PTPRZ1: variants seen among roughly 807,000 people sequenced by gnomAD.
The protein encoded by PTPRZ1 is receptor-type tyrosine-protein phosphatase zeta.
In PTPRZ1, 82 loss-of-function variants were observed where a neutral mutation model predicts 214.1. The ratio of observed to expected loss-of-function variants is 0.38; its 90% CI spans 0.32 to 0.46. The LOEUF (loss-of-function observed/expected upper bound fraction) is 0.46, where lower values mean the gene tolerates loss of function less well. Ranked by LOEUF, PTPRZ1 falls within the 20% of genes least tolerant of loss-of-function variation. The probability of loss-of-function intolerance (pLI) is 1.00; values close to 1 mark genes in which losing one functional copy is unlikely to be tolerated. For missense variants in PTPRZ1, 2,603 were observed against 2,748.7 expected, an observed-to-expected ratio of 0.95 and a Z score of 1.19; for synonymous variants, 945 against 987.9, an observed-to-expected ratio of 0.96 and a Z score of 0.81.
chr7:122,034,212 GTTA>G, intron 16 of PTPRZ1, 67 bp from the exon 17 acceptor site: 2 of 1,568,788 alleles, frequency 1.3e-6, no homozygotes, highest in Non-Finnish European at 1.7e-6. Context: ...TTTTGTCTTC[GTTA>G]TTATATTTTA....
At chr7:121,978,882 C>T (rs1425213336) in intron 6 of PTPRZ1, among the ~76,000 whole-genome samples, 2 of 152,096 alleles carry the variant, frequency 1.3e-5, no homozygotes, top group Non-Finnish European at 2.9e-5. Context: ...TGAATTAAAT[C>T]CAGTCTATTT....
intron 23 of PTPRZ1, among the ~76,000 whole-genome samples, chr7:122,045,549 G>A (rs928800617): frequency 6.6e-6 from 1 of 151,958 alleles, no homozygotes; most frequent in African/African-American, 2.4e-5. Context: ...AGTCATACAT[G>A]TTTTACTCAT....
At chr7:121,935,195 G>A in intron 2 of PTPRZ1, among the ~76,000 whole-genome samples, 1 of 152,188 alleles carries the variant, frequency 6.6e-6, no homozygotes, top group East Asian at 1.9e-4. Context: ...CTACAGAATA[G>A]CATCGCAATT....
intron 12 of PTPRZ1, among the ~76,000 whole-genome samples, chr7:122,015,179 G>T (rs1798808850): frequency 6.6e-6 from 1 of 152,096 alleles, no homozygotes; most frequent in Non-Finnish European, 1.5e-5. Context: ...TTGGTCATAA[G>T]AATTTTATAA....
intron 1 of PTPRZ1, chr7:121,908,372 T>TTA: frequency 9.6e-6 from 3 of 313,170 alleles, no homozygotes; most frequent in South Asian, 2.9e-5. Context: ...TGGAAAAGAA[T>TTA]ATCAACTATA....
chr7:121,958,213 G>A (rs973490873), intron 2 of PTPRZ1, among the ~76,000 whole-genome samples: 1 of 152,038 alleles, frequency 6.6e-6, no homozygotes, highest in Non-Finnish European at 1.5e-5. Context: ...ATCATTTCAC[G>A]GAAATTGATT....
At chr7:121,940,718 A>G (rs990713952) in intron 2 of PTPRZ1, among the ~76,000 whole-genome samples, 3 of 152,122 alleles carry the variant, frequency 2.0e-5, no homozygotes, top group African/African-American at 7.2e-5. Context: ...TGTCATATTC[A>G]GGACTTCTGA....
intron 27 of PTPRZ1, among the ~76,000 whole-genome samples, chr7:122,057,645 C>CTTTTTTTTTTTTTT (rs5887066): frequency 7.0e-5 from 9 of 128,168 alleles, no homozygotes; most frequent in Non-Finnish European, 8.3e-5. Flanking sequence ...CTTTGTGATT[C>CTTTTTTTTTTTTTT]TTTTTTTTTT....
At chr7:121,988,016 CGAGA>C (rs1797816836) in intron 8 of PTPRZ1, among the ~76,000 whole-genome samples, 1 of 152,044 alleles carries the variant, frequency 6.6e-6, no homozygotes, top group Non-Finnish European at 1.5e-5. Flanking sequence ...CTGTGGTGTA[CGAGA>C]GAGTGGAGAG....
chr7:121,966,810 A>C (rs1797058802), intron 2 of PTPRZ1: 1 of 152,232 alleles, frequency 6.6e-6, no homozygotes, highest in Non-Finnish European at 1.5e-5. Context: ...TGACTCACTT[A>C]TCACAAAAGA....
intron 3 of PTPRZ1, among the ~76,000 whole-genome samples, chr7:121,971,693 A>G (rs1797255426): frequency 6.6e-6 from 1 of 152,194 alleles, no homozygotes; most frequent in South Asian, 2.1e-4. Context: ...GTACATCGTA[A>G]GTGATATGTA....
chr7:121,906,396 A>G (rs1280659673), intron 1 of PTPRZ1, among the ~76,000 whole-genome samples: 3 of 152,196 alleles, frequency 2.0e-5, no homozygotes, highest in Non-Finnish European at 2.9e-5. Context: ...AAATAAAACT[A>G]TATTAATTGC....
At chr7:121,971,499 A>T (rs755448496) in intron 3 of PTPRZ1, among the ~76,000 whole-genome samples, 1 of 152,112 alleles carries the variant, frequency 6.6e-6, no homozygotes, top group Non-Finnish European at 1.5e-5. Context: ...GAGCTAATAG[A>T]GCCACATTAC....
intron 8 of PTPRZ1, among the ~76,000 whole-genome samples, chr7:121,985,750 C>G (rs1443524436): frequency 6.6e-6 from 1 of 152,206 alleles, no homozygotes; most frequent in Non-Finnish European, 1.5e-5. Flanking sequence ...CAAGGAGACA[C>G]CATACCCATA....
At chr7:122,033,311 A>G (rs1799437530) in intron 15 of PTPRZ1, among the ~76,000 whole-genome samples, 1 of 151,838 alleles carries the variant, frequency 6.6e-6, no homozygotes, top group Non-Finnish European at 1.5e-5. Flanking sequence ...ATGTGGAGGG[A>G]GATTGGGCCA....
At chr7:121,921,264 T>C (rs1372970398) in intron 1 of PTPRZ1, among the ~76,000 whole-genome samples, 1 of 152,146 alleles carries the variant, frequency 6.6e-6, no homozygotes, top group Non-Finnish European at 1.5e-5. Context: ...TGAGCTTTCA[T>C]TGAAAAGTTT....
intron 12 of PTPRZ1, among the ~76,000 whole-genome samples, chr7:122,016,739 A>G (rs1466196227): frequency 6.6e-6 from 1 of 151,700 alleles, no homozygotes; most frequent in East Asian, 1.9e-4. Context: ...TATGTATGCT[A>G]TACATATATA....
At chr7:121,902,502 C>G (rs556366489) in intron 1 of PTPRZ1, among the ~76,000 whole-genome samples, 1 of 152,200 alleles carries the variant, frequency 6.6e-6, no homozygotes, top group South Asian at 2.1e-4. Context: ...GTTCTCCTTT[C>G]TTTATATCCT....
At chr7:121,981,896 G>A (rs1278717194) in intron 6 of PTPRZ1, among the ~76,000 whole-genome samples, 1 of 151,908 alleles carries the variant, frequency 6.6e-6, no homozygotes, top group Non-Finnish European at 1.5e-5. Context: ...AATAGATCTT[G>A]ATTGTCATAT....
Sources: allele counts gnomAD v4.1 joint callset (sites outside exome capture counted in the v4.1 genomes callset), GRCh38; gene constraint gnomAD v4.1.1; transcripts MANE v1.5; gene names NCBI Gene and HGNC (gene_info 2026-07-23, HGNC 2026-07-21).